The following GALNT10 variants were observed in gnomAD, a reference collection of about 807,000 sequenced individuals.
The protein encoded by GALNT10 is polypeptide N-acetylgalactosaminyltransferase 10, also known as GalNAc transferase 10.
A neutral mutation model predicts 75.0 loss-of-function variants in GALNT10; 41 were observed. The observed-to-expected ratio is 0.55, with a 90% CI of 0.43 to 0.71. The LOEUF (loss-of-function observed/expected upper bound fraction) is 0.71, where lower values mean the gene tolerates loss of function less well. Ranked by LOEUF, GALNT10 falls within the 30% of genes least tolerant of loss-of-function variation. The pLI is 0.00. For synonymous variants in GALNT10, 302 were observed against 313.0 expected (o/e 0.96, Z 0.37); for missense variants, 727 against 818.5 (o/e 0.89, Z 1.36).
At chr5:154,346,359 C>T (rs898605153) in intron 4 of GALNT10, among the ~76,000 whole-genome samples, 1 of 152,082 alleles carries the variant, frequency 6.6e-6, no homozygotes, top group African/African-American at 2.4e-5. Flanking sequence ...CTGTTTTTAA[C>T]GTTTTGAGGA....
intron 4 of GALNT10, among the ~76,000 whole-genome samples, chr5:154,357,200 C>T (rs1023238650): frequency 3.3e-5 from 5 of 151,996 alleles, no homozygotes; most frequent in South Asian, 2.1e-4. Flanking sequence ...AGGGAACTAC[C>T]GGGAAACAAC....
At position 154,289,195 on chromosome 5, in the gene GALNT10, A is replaced by G. The variant is rs565694014; in HGVS notation, c.160-5621A>G. On this transcript the variant is annotated intron_variant, in intron 1 of 11. Transcript: ENST00000297107. ...AGTTGCTCACCTTTACTAGGAGAGG[A>G]CCTAACTTTGTCCCAGACACTGGGA... 3.3e-5 allele frequency among the ~76,000 whole-genome samples: 5 copies of G among 152,282 alleles called. No homozygotes were observed. In the East Asian group the frequency reaches 9.7e-4, roughly 29 times the overall value.
intron 4 of GALNT10, among the ~76,000 whole-genome samples, chr5:154,341,592 A>G (rs148802210): frequency 6.6e-6 from 1 of 152,266 alleles, no homozygotes; most frequent in East Asian, 1.9e-4. Context: ...GTTAATAGAA[A>G]ACTCAAACTA....
At chr5:154,280,733 C>T (rs533466647) in intron 1 of GALNT10, among the ~76,000 whole-genome samples, 1 of 152,152 alleles carries the variant, frequency 6.6e-6, no homozygotes, top group Non-Finnish European at 1.5e-5. Context: ...TTCTCACATA[C>T]TTTCTTCTAC....
chr5:154,267,979 G>GA (rs887453769), intron 1 of GALNT10, among the ~76,000 whole-genome samples: 4 of 152,110 alleles, frequency 2.6e-5, no homozygotes, highest in Admixed American at 1.3e-4. Context: ...ATTATCTTGG[G>GA]AATGTCAAAA....
At position 154,390,795 on chromosome 5, in the gene GALNT10, T is replaced by G. The variant is rs183672240; in HGVS notation, c.1056+4365T>G. On this transcript the variant is annotated intron_variant, in intron 7 of 11. Transcript: ENST00000297107. ...CCAAAATGATTTCATTCTATGTGTT[T>G]CAAAGACCCATCTACTGATGCTCAT... Among the ~76,000 whole-genome samples the G allele has an allele frequency of 8.3e-4, 127 of 152,340 alleles. 3 individuals are homozygous for G. Among genetic ancestry groups the G allele is most frequent in the Admixed American group, 7.8e-3 (119 of 15,296 alleles).
In GALNT10 at chr5:154,376,392, A is replaced by C. The variant is rs1189977427; in HGVS notation, c.684A>C (p.Ala228=). The C allele has an allele frequency of 3.1e-6, 5 of 1,607,744 alleles. No individual in the cohort carries two copies. In the African/African-American group the frequency reaches 5.4e-5, roughly 17 times the overall value. The change falls in exon 5 of 12, where the codon GCA becomes GCC. Residue 228 remains alanine (A), a synonymous_variant. Transcript: ENST00000297107. This position sits in a 1 kb window ranked among gnomAD's most constrained non-coding sequence, Gnocchi z 4.1. ...CCCGAATGCTGGGGGCCTCAGTGGC[A>C]ACTGGGGATGTCATCACATTCTTGG... ...IRTRMLGASV[A]TGDVITFLDS...
At chr5:154,321,711 C>T (rs1295396424) in intron 3 of GALNT10, among the ~76,000 whole-genome samples, 1 of 152,094 alleles carries the variant, frequency 6.6e-6, no homozygotes, top group African/African-American at 2.4e-5. Context: ...CGCCAGGGAT[C>T]TGGGAGCTAA....
chr5:154,337,433 C>T, intron 4 of GALNT10: 1 of 649,816 alleles, frequency 1.5e-6, no homozygotes, highest in Non-Finnish European at 2.8e-6. Flanking sequence ...CTCTGGCTAT[C>T]CTCTCCTGCT....
intron 7 of GALNT10, among the ~76,000 whole-genome samples, chr5:154,399,989 A>T (rs1392949333): frequency 2.6e-5 from 4 of 152,076 alleles, no homozygotes; most frequent in African/African-American, 9.7e-5. Context: ...ACAAAAAAAA[A>T]TAGCCAGGTA....
chr5:154,236,117 G>A (rs899686615), intron 1 of GALNT10, among the ~76,000 whole-genome samples: 1 of 152,092 alleles, frequency 6.6e-6, no homozygotes, highest in Non-Finnish European at 1.5e-5. Context: ...CTAGCAGAGG[G>A]AGTCAAAACC....
intron 1 of GALNT10, among the ~76,000 whole-genome samples, chr5:154,259,748 A>G (rs489770): frequency 0.24 from 37,117 of 151,998 alleles, 5,512 homozygotes; most frequent in African/African-American, 0.42. Context: ...TGGTTGTTAC[A>G]ATTCTTACAT....
chr5:154,397,544 C>CT (rs1446154373), intron 7 of GALNT10, among the ~76,000 whole-genome samples: 1 of 152,182 alleles, frequency 6.6e-6, no homozygotes, highest in Non-Finnish European at 1.5e-5. Flanking sequence ...ATAAAACTTG[C>CT]TTAACAGCCT....
intron 4 of GALNT10, among the ~76,000 whole-genome samples, chr5:154,373,092 A>T (rs990649156): frequency 6.6e-6 from 1 of 152,184 alleles, no homozygotes; most frequent in African/African-American, 2.4e-5. Context: ...ATCTCTTCTC[A>T]GTCCTGACAC....
chr5:154,212,278 C>T lies in GALNT10; in HGVS notation c.159+21253C>T, dbSNP rs1185724398. On this transcript the variant is annotated intron_variant, in intron 1 of 11. Transcript: ENST00000297107. ...TGCCTTCATGGATGAGCAGCTTTCC[C>T]CTTGGTTCTTAACCCTGATTATTGA... Among the ~76,000 whole-genome samples, 2 of 152,160 alleles carry T rather than the reference C, an allele frequency of 1.3e-5. 1 individual carries two copies. The highest frequency in any genetic ancestry group is 1.3e-4 in the Admixed American group (2 of 15,282).
chr5:154,246,635 C>T (rs549983057), intron 1 of GALNT10, among the ~76,000 whole-genome samples: 130 of 152,256 alleles, frequency 8.5e-4, no homozygotes, highest in African/African-American at 2.9e-3. Flanking sequence ...TCATATCCTT[C>T]GACCACTTTT....
At chr5:154,195,030 TAG>T (rs952568596) in intron 1 of GALNT10, among the ~76,000 whole-genome samples, 3 of 152,244 alleles carry the variant, frequency 2.0e-5, no homozygotes, top group Non-Finnish European at 2.9e-5. Context: ...TCTCAGGCTG[TAG>T]TCTAAGGATG....
chr5:154,375,387 G>A (rs1051403513), intron 4 of GALNT10, among the ~76,000 whole-genome samples: 28 of 152,138 alleles, frequency 1.8e-4, no homozygotes, highest in African/African-American at 6.8e-4. Context: ...AAAATCAAGA[G>A]ACACCAACAT....
chr5:154,348,817 T>C (rs1581986420), intron 4 of GALNT10, among the ~76,000 whole-genome samples: 2 of 152,184 alleles, frequency 1.3e-5, no homozygotes, highest in Admixed American at 1.3e-4. Context: ...TTGATAACTT[T>C]TCAATGTCTT....
Sources: allele counts gnomAD v4.1 joint callset (sites outside exome capture counted in the v4.1 genomes callset), GRCh38; gene constraint gnomAD v4.1.1; non-coding constraint Gnocchi (gnomAD v3.1); transcripts MANE v1.5; gene names NCBI Gene and HGNC (gene_info 2026-07-23, HGNC 2026-07-21).